The following SUPT3H variants were observed in gnomAD, a reference collection of about 807,000 sequenced individuals.
SUPT3H encodes the protein SPT3 homolog, SAGA and STAGA complex component.
A neutral mutation model predicts 44.3 loss-of-function variants in SUPT3H; 44 were observed. The ratio of observed to expected loss-of-function variants is 0.99; its 90% confidence interval spans 0.78 to 1.28. The LOEUF (loss-of-function observed/expected upper bound fraction) is 1.28. Ranked by LOEUF, SUPT3H falls within the 50% of genes most tolerant of loss-of-function variation. SUPT3H has a pLI of 0.00. For synonymous variants in SUPT3H, 124 were observed against 125.6 expected, an observed-to-expected ratio of 0.99 and a Z score of 0.09; for missense variants, 380 against 387.1, an observed-to-expected ratio of 0.98 and a Z score of 0.15.
At chr6:45,136,852 GAAAA>G (rs1804368847) in intron 2 of SUPT3H, among the ~76,000 whole-genome samples, 1 of 151,852 alleles carries the variant, frequency 6.6e-6, no homozygotes, top group South Asian at 2.1e-4. Context: ...AGAAGGAGAA[GAAAA>G]AAAGAGGACA....
chr6:45,192,809 A>G (rs559697395), intron 2 of SUPT3H, among the ~76,000 whole-genome samples: 1 of 152,336 alleles, frequency 6.6e-6, no homozygotes, highest in African/African-American at 2.4e-5. Context: ...ATTTAGCTAC[A>G]ACAAATAAAG....
At chr6:45,065,140 T>C (rs1327778479) in intron 3 of SUPT3H, among the ~76,000 whole-genome samples, 6 of 151,818 alleles carry the variant, frequency 4.0e-5, no homozygotes, top group African/African-American at 1.5e-4. Context: ...CAAACTAGAA[T>C]TCAGGATTAA....
At chr6:45,236,768 T>C (rs1385009816) in intron 2 of SUPT3H, among the ~76,000 whole-genome samples, 1 of 152,088 alleles carries the variant, frequency 6.6e-6, no homozygotes, top group Non-Finnish European at 1.5e-5. Flanking sequence ...GGAAATATTA[T>C]AGCTACATTT....
At chr6:45,207,922 A>C (rs1039319278) in intron 2 of SUPT3H, among the ~76,000 whole-genome samples, 1 of 152,156 alleles carries the variant, frequency 6.6e-6, no homozygotes, top group Non-Finnish European at 1.5e-5. Flanking sequence ...GTTCCAGTGA[A>C]AGTTAAAGTT....
At chr6:45,066,234 GA>G (rs1793285496) in intron 3 of SUPT3H, among the ~76,000 whole-genome samples, 1 of 152,092 alleles carries the variant, frequency 6.6e-6, no homozygotes, top group African/African-American at 2.4e-5. Context: ...AATAGGTGCA[GA>G]AAAAGCCTTT....
At chr6:44,989,650 C>T (rs531430397) in intron 6 of SUPT3H, among the ~76,000 whole-genome samples, 22 of 152,090 alleles carry the variant, frequency 1.4e-4, no homozygotes, top group Admixed American at 2.0e-4. Flanking sequence ...TATTCCTCCA[C>T]GCCCTAACAC....
intron 2 of SUPT3H, among the ~76,000 whole-genome samples, chr6:45,347,124 A>T (rs1316602427): frequency 6.6e-6 from 1 of 152,208 alleles, no homozygotes; most frequent in Non-Finnish European, 1.5e-5. Context: ...TCAAAGAAAG[A>T]AGCTAAGACT....
At chr6:45,282,220 A>G (rs1037746692) in intron 2 of SUPT3H, among the ~76,000 whole-genome samples, 1 of 152,240 alleles carries the variant, frequency 6.6e-6, no homozygotes, top group African/African-American at 2.4e-5. Flanking sequence ...CACCAGCAAC[A>G]GAGCAAAGCT....
At chr6:44,871,170 T>G (rs1347778133) in intron 10 of SUPT3H, among the ~76,000 whole-genome samples, 1 of 149,804 alleles carries the variant, frequency 6.7e-6, no homozygotes, top group African/African-American at 2.5e-5. Context: ...CCTGCCTGCC[T>G]ATGTAGGCTC....
chr6:45,266,425 C>T (rs1400280378), intron 2 of SUPT3H, among the ~76,000 whole-genome samples: 1 of 151,532 alleles, frequency 6.6e-6, no homozygotes, highest in Non-Finnish European at 1.5e-5. Flanking sequence ...AAATCATATA[C>T]CATGGAAAAC....
chr6:45,279,638 G>C (rs1398294949), intron 2 of SUPT3H, among the ~76,000 whole-genome samples: 1 of 152,172 alleles, frequency 6.6e-6, no homozygotes, highest in Admixed American at 6.5e-5. Flanking sequence ...AAGTCAAGCA[G>C]ATGCTGCCAC....
intron 6 of SUPT3H, among the ~76,000 whole-genome samples, chr6:44,982,967 A>G (rs955259458): frequency 6.6e-6 from 1 of 152,314 alleles, no homozygotes; most frequent in African/African-American, 2.4e-5. Context: ...GGTACCAATC[A>G]CCATGGGATT....
intron 2 of SUPT3H, among the ~76,000 whole-genome samples, chr6:45,194,239 A>G (rs754682283): frequency 6.6e-6 from 1 of 152,098 alleles, no homozygotes; most frequent in Non-Finnish European, 1.5e-5. Flanking sequence ...TTTATTAACT[A>G]TATTTCAAAC....
intron 2 of SUPT3H, among the ~76,000 whole-genome samples, chr6:45,307,978 C>T (rs1282646034): frequency 2.0e-5 from 3 of 151,888 alleles, no homozygotes; most frequent in East Asian, 1.9e-4. Context: ...CTTCAGTAGC[C>T]GATTTGATCA....
intron 6 of SUPT3H, among the ~76,000 whole-genome samples, chr6:44,980,900 A>G (rs1779003072): frequency 6.6e-6 from 1 of 152,234 alleles, no homozygotes; most frequent in Admixed American, 6.5e-5. Context: ...TAATTCCAAA[A>G]AGATTAAGAA....
intron 2 of SUPT3H, among the ~76,000 whole-genome samples, chr6:45,252,818 A>G (rs913736645): frequency 2.0e-5 from 3 of 152,218 alleles, no homozygotes; most frequent in African/African-American, 7.2e-5. Flanking sequence ...GCTGTGATGA[A>G]TAAAAGAAAA....
intron 11 of SUPT3H, among the ~76,000 whole-genome samples, chr6:44,819,775 C>CA (rs978266253): frequency 1.4e-4 from 21 of 149,164 alleles, no homozygotes; most frequent in Admixed American, 4.0e-4. Context: ...GACCCTGTAT[C>CA]AAAAAAAAGA....
chr6:45,273,732 ATTTTTAT>A (rs1225665066), intron 2 of SUPT3H, among the ~76,000 whole-genome samples: 1 of 152,170 alleles, frequency 6.6e-6, no homozygotes, highest in Admixed American at 6.6e-5. Flanking sequence ...TATTTGGGTC[ATTTTTAT>A]TTTTTGACTA....
chr6:45,005,511 G>A (rs894738717), intron 5 of SUPT3H, among the ~76,000 whole-genome samples: 25 of 151,852 alleles, frequency 1.6e-4, no homozygotes, highest in Non-Finnish European at 3.2e-4. Flanking sequence ...AGGCTGAGGC[G>A]GGCGGATCAC....
Sources: gnomAD v4.1 joint callset for allele counts (sites outside exome capture counted in the v4.1 genomes callset) on GRCh38, gnomAD v4.1.1 for gene constraint, MANE v1.5 for transcripts, NCBI Gene and HGNC (gene_info 2026-07-23, HGNC 2026-07-21) for gene names.